PCDH9: variants seen among roughly 807,000 people sequenced by gnomAD.
The protein encoded by PCDH9 is protocadherin-9.
Under a neutral mutation model 70.6 loss-of-function variants are expected in PCDH9, and 24 were observed. The ratio of observed to expected loss-of-function variants is 0.34; its 90% CI spans 0.25 to 0.48. PCDH9 has a LOEUF of 0.48. Among genes scored for constraint, PCDH9 ranks in the 20% least tolerant of loss-of-function variants. The pLI, the probability that PCDH9 is intolerant of heterozygous loss-of-function variation, is 0.99. For missense variants in PCDH9, 1,281 were observed against 1,503.6 expected, an observed-to-expected ratio of 0.85 and a Z score of 2.45; for synonymous variants, 562 against 558.5, an observed-to-expected ratio of 1.01 and a Z score of -0.09.
intron 3 of PCDH9, among the ~76,000 whole-genome samples, chr13:66,730,860 T>C (rs1164231597): frequency 1.3e-5 from 1 of 79,164 alleles, no homozygotes; most frequent in Non-Finnish European, 2.5e-5. Flanking sequence ...TTGTTTTTGT[T>C]TTTTTGTGTG....
At chr13:66,878,234 T>C (rs2081854664) in intron 3 of PCDH9, among the ~76,000 whole-genome samples, 1 of 151,908 alleles carries the variant, frequency 6.6e-6, no homozygotes, top group South Asian at 2.1e-4. Context: ...TTTTTATTTA[T>C]TTATTTTTTT....
intron 3 of PCDH9, among the ~76,000 whole-genome samples, chr13:66,827,334 T>C (rs1425666249): frequency 9.6e-5 from 12 of 124,904 alleles, no homozygotes; most frequent in Non-Finnish European, 1.9e-4. Flanking sequence ...ACAGTACTAA[T>C]AGGATATTAA....
chr13:66,798,348 T>C (rs1305818137), intron 3 of PCDH9, among the ~76,000 whole-genome samples: 1 of 152,154 alleles, frequency 6.6e-6, no homozygotes, highest in Admixed American at 6.6e-5. Context: ...AATGCGTCTT[T>C]AAGACAGTCC....
chr13:67,092,228 T>C (rs1305270172), intron 2 of PCDH9, among the ~76,000 whole-genome samples: 2 of 152,170 alleles, frequency 1.3e-5, no homozygotes, highest in East Asian at 3.9e-4. Context: ...ATATCGAGGA[T>C]CTATTGTATT....
At chr13:67,010,035 G>A (rs2139838917) in intron 2 of PCDH9, among the ~76,000 whole-genome samples, 1 of 152,066 alleles carries the variant, frequency 6.6e-6, no homozygotes. Flanking sequence ...TTCAGGAAAT[G>A]TGAAGAGCAA....
intron 4 of PCDH9, among the ~76,000 whole-genome samples, chr13:66,487,030 G>C (rs577343910): frequency 1.3e-5 from 2 of 152,062 alleles, no homozygotes; most frequent in Non-Finnish European, 2.9e-5. Context: ...TAACAATTAC[G>C]TTTAACTTGT....
At chr13:66,591,972 A>T (rs1488995483) in intron 4 of PCDH9, among the ~76,000 whole-genome samples, 1 of 151,742 alleles carries the variant, frequency 6.6e-6, no homozygotes, top group Non-Finnish European at 1.5e-5. Flanking sequence ...AGAAAGAAAG[A>T]AAATTGAAAA....
At chr13:66,959,568 C>A (rs1272502553) in intron 2 of PCDH9, among the ~76,000 whole-genome samples, 1 of 151,706 alleles carries the variant, frequency 6.6e-6, no homozygotes, top group South Asian at 2.1e-4. Flanking sequence ...GCCTGGGCAA[C>A]ATGGCAAGAC....
intron 3 of PCDH9, among the ~76,000 whole-genome samples, chr13:66,838,146 T>C (rs887931962): frequency 3.3e-5 from 5 of 152,184 alleles, no homozygotes; most frequent in African/African-American, 9.6e-5. Context: ...TTTCATTCTA[T>C]AATATTTTTT....
intron 4 of PCDH9, among the ~76,000 whole-genome samples, chr13:66,521,448 C>A (rs946551213): frequency 2.6e-5 from 4 of 152,110 alleles, no homozygotes; most frequent in African/African-American, 9.7e-5. Flanking sequence ...AATAAGAAAA[C>A]CGCTTTTATG....
intron 4 of PCDH9, among the ~76,000 whole-genome samples, chr13:66,476,681 T>C (rs908814301): frequency 6.6e-6 from 1 of 151,964 alleles, no homozygotes; most frequent in Non-Finnish European, 1.5e-5. Context: ...CCCAGCAAAC[T>C]AGATGCCTGT....
At chr13:66,886,112 G>A (rs2082000939) in intron 3 of PCDH9, 1 of 152,078 alleles carries the variant, frequency 6.6e-6, no homozygotes, top group Non-Finnish European at 1.5e-5. Flanking sequence ...TACTGTTTTT[G>A]TTCTGTTAAT....
In PCDH9 at chr13:66,625,659, GA is replaced by G. The variant is rs201756556; in HGVS notation, c.3340+5550del. Among the ~76,000 whole-genome samples the G allele has an allele frequency of 1.9e-4, 18 of 95,626 alleles. No homozygotes were observed. In the East Asian group the frequency reaches 2.0e-3, roughly 11 times the overall value. The allele number at this position is 95,626 out of a possible 152,430, so 62.7% of individuals were successfully genotyped here. ...CTCCACTTTTGGCCAACATATAGTG[GA>G]ATTTTTTTTTTTTTTTTTGATACAC... On this transcript the variant is annotated intron_variant, in intron 4 of 4. Coordinates refer to ENST00000377865, the MANE Select transcript of PCDH9 (RefSeq NM_203487.3).
intron 4 of PCDH9, among the ~76,000 whole-genome samples, chr13:66,510,277 G>T (rs1959402203): frequency 6.6e-6 from 1 of 151,862 alleles, no homozygotes; most frequent in South Asian, 2.1e-4. Flanking sequence ...TACTGCTCAA[G>T]AATCTAATAA....
chr13:66,664,573 A>C (rs7992287), intron 3 of PCDH9, among the ~76,000 whole-genome samples: 68,139 of 151,734 alleles, frequency 0.45, 15,387 homozygotes, highest in Middle Eastern at 0.5. Context: ...CAACAGTATG[A>C]CTCCTAGAAA....
intron 3 of PCDH9, among the ~76,000 whole-genome samples, chr13:66,850,099 T>C (rs887693606): frequency 6.6e-6 from 1 of 152,164 alleles, no homozygotes; most frequent in Non-Finnish European, 1.5e-5. Flanking sequence ...TGTATTATAA[T>C]ATTACAACAA....
At chr13:67,041,433 T>G (rs940718967) in intron 2 of PCDH9, among the ~76,000 whole-genome samples, 1 of 152,142 alleles carries the variant, frequency 6.6e-6, no homozygotes, top group African/African-American at 2.4e-5. Flanking sequence ...TGGAAAGAAG[T>G]ACATAACAGA....
At chr13:66,623,190 C>G (rs996452316) in intron 4 of PCDH9, among the ~76,000 whole-genome samples, 1 of 152,230 alleles carries the variant, frequency 6.6e-6, no homozygotes, top group Non-Finnish European at 1.5e-5. Context: ...CCCACCAATT[C>G]CGGACACACT....
intron 4 of PCDH9, among the ~76,000 whole-genome samples, chr13:66,561,723 G>T (rs7998584): frequency 8.6e-5 from 13 of 151,648 alleles, no homozygotes; most frequent in Admixed American, 8.5e-4. Context: ...ATGGAGAACC[G>T]TTGTGTCTAG....
Sources: gnomAD v4.1 joint callset for allele counts (sites outside exome capture counted in the v4.1 genomes callset) on GRCh38, gnomAD v4.1.1 for gene constraint, MANE v1.5 for transcripts, NCBI Gene and HGNC (gene_info 2026-07-23, HGNC 2026-07-21) for gene names.